Variants in ITPR2 observed in about 807,000 individuals in gnomAD.
The protein encoded by ITPR2 is inositol 1,4,5-trisphosphate receptor type 2.
ITPR2 carries 207 observed loss-of-function variants against 317.1 expected under a neutral mutation model. The ratio of observed to expected loss-of-function variants is 0.65; its 90% CI spans 0.58 to 0.73. The LOEUF is 0.73. Ranked by LOEUF, ITPR2 falls within the 30% of genes least tolerant of loss-of-function variation. The pLI is 0.00. For synonymous variants in ITPR2, 1,156 were observed against 1,149.1 expected (o/e 1.01, Z -0.12); for missense variants, 2,613 against 3,284.0 (o/e 0.80, Z 4.99).
At chr12:26,711,620 T>C (rs1948643176) in intron 8 of ITPR2, among the ~76,000 whole-genome samples, 1 of 152,186 alleles carries the variant, frequency 6.6e-6, no homozygotes, top group Non-Finnish European at 1.5e-5. Flanking sequence ...ATGTGCCAAG[T>C]ACCTTCAAGA....
Position 26,659,177 on chromosome 12 carries a change from T to C in ITPR2, c.1822A>G (p.Lys608Glu). Residue 608 changes from lysine (K) to glutamate (E), a missense_variant, in exon 16 of 57, where the codon AAA becomes GAA. By Grantham distance (56) the Lys-to-Glu change is moderately conservative. This residue lies in a region of ITPR2 where 515 missense variants were observed against 789.4 expected (regional missense o/e 0.65). Transcript: ENST00000381340. ...LLHNNRKLLE[K>E]HITAKEIETF... is the part of the protein sequence containing the mutation. ...TCTATTTCTTTTGCTGTGATATGTT[T>C]CTCTAGTAGTTTTCTGTTGTTGTGC... is the stretch of plus-strand genomic sequence containing the variant. 1 of 1,613,596 alleles carries C rather than the reference T, an allele frequency of 6.2e-7. No homozygotes were observed. Among genetic ancestry groups the C allele is most frequent in the Non-Finnish European group, 8.5e-7 (1 of 1,179,636 alleles).
At chr12:26,482,511 A>G (rs1214940173) in intron 42 of ITPR2, among the ~76,000 whole-genome samples, 4 of 152,248 alleles carry the variant, frequency 2.6e-5, no homozygotes, top group Non-Finnish European at 4.4e-5. Context: ...ACAAGTTTTT[A>G]TCAACAACAA....
At chr12:26,764,213 A>G (rs946224616) in intron 2 of ITPR2, among the ~76,000 whole-genome samples, 3 of 152,170 alleles carry the variant, frequency 2.0e-5, no homozygotes, top group African/African-American at 7.2e-5. Context: ...AAAATGGATC[A>G]TAGACCTAAA....
At chr12:26,482,054 C>G (rs1003259180) in intron 42 of ITPR2, among the ~76,000 whole-genome samples, 3 of 152,108 alleles carry the variant, frequency 2.0e-5, no homozygotes, top group African/African-American at 7.2e-5. Context: ...AACTGAAATC[C>G]TGGTGAGTTA....
chr12:26,395,606 G>A (rs757330225), intron 54 of ITPR2, among the ~76,000 whole-genome samples: 1 of 152,090 alleles, frequency 6.6e-6, no homozygotes, highest in Non-Finnish European at 1.5e-5. Flanking sequence ...AAAAGGGCAT[G>A]GAGGAAGAAG....
chr12:26,395,825 G>C (rs956335377), intron 54 of ITPR2, among the ~76,000 whole-genome samples: 2 of 152,180 alleles, frequency 1.3e-5, no homozygotes, highest in Non-Finnish European at 1.5e-5. Context: ...TTTTGAGTTA[G>C]GTAGTCCTCC....
intron 1 of ITPR2, 135 bp downstream of exon 1, chr12:26,832,555 C>A: frequency 1.8e-6 from 1 of 562,404 alleles, no homozygotes; most frequent in Non-Finnish European, 3.0e-6. Context: ...GCGCACGGCG[C>A]TGTCCGCGGG....
In ITPR2 at chr12:26,591,968, T is replaced by C. The variant is rs57111543; in HGVS notation, c.4380+3497A>G. 5.3e-3 allele frequency among the ~76,000 whole-genome samples: 812 copies of C among 152,310 alleles called. 4 individuals are homozygous for C. Among genetic ancestry groups the C allele is most frequent in the African/African-American group, 0.018 (762 of 41,566 alleles). On this transcript the variant is annotated intron_variant, in intron 32 of 56. Coordinates refer to ENST00000381340, the MANE Select transcript of ITPR2 (RefSeq NM_002223.4). The stretch of plus-strand genomic sequence containing the variant: ...CACTCCCATGTTTGTTGCAGCACAG[T>C]TCACAATAGCCAAAATTTGGAAGCA...
At position 26,458,642 on chromosome 12, in the gene ITPR2, A is replaced by T. The variant is rs999220650; in HGVS notation, c.6343-14992T>A. 4.6e-5 allele frequency among the ~76,000 whole-genome samples: 7 copies of T among 152,230 alleles called. No homozygotes were observed. The South Asian group carries it at 1.4e-3, about 31-fold the overall frequency. On this transcript the variant is annotated intron_variant, in intron 45 of 56. Coordinates refer to ENST00000381340, the MANE Select transcript of ITPR2 (RefSeq NM_002223.4). ...AATCAATGATACAGTTAATAAAATG[A>T]GGGGTGACGGAGGGGAACATTTTCA...
chr12:26,816,502 T>G (rs1054454247), intron 1 of ITPR2, among the ~76,000 whole-genome samples: 2 of 152,166 alleles, frequency 1.3e-5, no homozygotes, highest in Non-Finnish European at 2.9e-5. Context: ...GCTAAAGCAT[T>G]TTTCATTCCC....
chr12:26,605,104 A>AAT (rs1465976005), intron 26 of ITPR2, among the ~76,000 whole-genome samples: 6 of 79,420 alleles, frequency 7.6e-5, no homozygotes, highest in African/African-American at 2.1e-4. Flanking sequence ...AAAAAAAATA[A>AAT]AAATAAAAAA....
At chr12:26,603,730 T>A (rs921962113) in intron 26 of ITPR2, among the ~76,000 whole-genome samples, 1 of 152,170 alleles carries the variant, frequency 6.6e-6, no homozygotes, top group African/African-American at 2.4e-5. Flanking sequence ...TACTTAGGCA[T>A]AAAGGATGTT....
chr12:26,806,002 G>A (rs1195942735), intron 1 of ITPR2, among the ~76,000 whole-genome samples: 1 of 152,086 alleles, frequency 6.6e-6, no homozygotes, highest in Non-Finnish European at 1.5e-5. Flanking sequence ...AGACTGGTGG[G>A]GAAGAGAGAG....
At chr12:26,457,681 T>C (rs1941925006) in intron 45 of ITPR2, among the ~76,000 whole-genome samples, 1 of 152,124 alleles carries the variant, frequency 6.6e-6, no homozygotes, top group South Asian at 2.1e-4. Context: ...AAGAGGGCAG[T>C]CACAGACGTG....
intron 30 of ITPR2, among the ~76,000 whole-genome samples, chr12:26,598,009 A>T (rs1221150314): frequency 6.6e-6 from 1 of 152,208 alleles, no homozygotes; most frequent in Non-Finnish European, 1.5e-5. Flanking sequence ...ATTATATATT[A>T]ACATAATATT....
intron 45 of ITPR2, 48 bp downstream of exon 45, chr12:26,475,248 A>T: frequency 1.2e-6 from 2 of 1,605,520 alleles, no homozygotes; most frequent in Non-Finnish European, 1.7e-6. Context: ...GATACAAAAC[A>T]CGATTGATAG....
At chr12:26,706,980 G>C (rs909155701) in intron 9 of ITPR2, among the ~76,000 whole-genome samples, 2 of 152,088 alleles carry the variant, frequency 1.3e-5, no homozygotes, top group Non-Finnish European at 2.9e-5. Flanking sequence ...AACAGTCCAT[G>C]TCTATTATTT....
At chr12:26,717,880 A>C (rs564934673) in intron 5 of ITPR2, among the ~76,000 whole-genome samples, 1 of 152,232 alleles carries the variant, frequency 6.6e-6, no homozygotes, top group Non-Finnish European at 1.5e-5. Flanking sequence ...AACATGACAT[A>C]AGCATATTCC....
intron 49 of ITPR2, 140 bp from the exon 50 acceptor site, chr12:26,419,353 T>A (rs1458682747): frequency 1.5e-6 from 1 of 688,092 alleles, no homozygotes; most frequent in African/African-American, 1.8e-5. Flanking sequence ...TTGACATGGA[T>A]GAAAACTATT....
Sources: allele counts gnomAD v4.1 joint callset (sites outside exome capture counted in the v4.1 genomes callset), GRCh38; gene constraint gnomAD v4.1.1; regional missense constraint gnomAD v4.1.1; transcripts MANE v1.5; gene names NCBI Gene and HGNC (gene_info 2026-07-23, HGNC 2026-07-21).